The following PDE3A variants were observed in gnomAD, a reference collection of about 807,000 sequenced individuals.
PDE3A encodes phosphodiesterase 3A, also known as cGMP-inhibited 3',5'-cyclic phosphodiesterase 3A.
PDE3A carries 43 observed loss-of-function variants against 98.3 expected under a neutral mutation model. That is an observed-to-expected ratio of 0.44 (90% CI 0.34 to 0.56). The LOEUF (loss-of-function observed/expected upper bound fraction) is 0.56. PDE3A is among the 20% of genes least tolerant of loss of function. The pLI is 0.01. For missense variants in PDE3A, 1,427 were observed against 1,440.7 expected (o/e 0.99, Z 0.15); for synonymous variants, 663 against 567.9 (o/e 1.17, Z -2.38).
chr12:20,426,847 T>G (rs1315251994), intron 1 of PDE3A, among the ~76,000 whole-genome samples: 2 of 152,162 alleles, frequency 1.3e-5, no homozygotes, highest in Non-Finnish European at 2.9e-5. Context: ...AAAATAAGAT[T>G]TTTGCATTCA....
intron 1 of PDE3A, among the ~76,000 whole-genome samples, chr12:20,399,960 AT>A (rs1944090726): frequency 6.6e-6 from 1 of 152,232 alleles, no homozygotes; most frequent in Non-Finnish European, 1.5e-5. Flanking sequence ...CAGTGATTGA[AT>A]TAGAAGAAAG....
intron 1 of PDE3A, among the ~76,000 whole-genome samples, chr12:20,453,523 C>T (rs1489036795): frequency 1.3e-5 from 2 of 151,986 alleles, no homozygotes; most frequent in Non-Finnish European, 2.9e-5. Context: ...TACCAGTATA[C>T]AGGTGGCAAA....
chr12:20,661,050 G>A (rs964057627), intron 15 of PDE3A, among the ~76,000 whole-genome samples: 4 of 152,188 alleles, frequency 2.6e-5, no homozygotes, highest in Non-Finnish European at 5.9e-5. Flanking sequence ...AATGCTGATA[G>A]TGATATGAAC....
At chr12:20,471,827 C>A (rs1387744584) in intron 1 of PDE3A, among the ~76,000 whole-genome samples, 2 of 151,918 alleles carry the variant, frequency 1.3e-5, no homozygotes, top group African/African-American at 4.8e-5. Context: ...ATTTTTTTCC[C>A]AAAATATATT....
intron 2 of PDE3A, among the ~76,000 whole-genome samples, chr12:20,584,085 A>G (rs1282343932): frequency 1.3e-5 from 2 of 152,226 alleles, no homozygotes; most frequent in Non-Finnish European, 2.9e-5. Flanking sequence ...AGGAGAATCC[A>G]GAGAAAGACT....
At chr12:20,588,609 G>A (rs1216576357) in intron 2 of PDE3A, among the ~76,000 whole-genome samples, 1 of 127,130 alleles carries the variant, frequency 7.9e-6, no homozygotes, top group Non-Finnish European at 1.6e-5. Context: ...AAAATAACCA[G>A]TGCACAACAG....
At chr12:20,627,849 C>T (rs1944301420) in intron 5 of PDE3A, among the ~76,000 whole-genome samples, 1 of 152,272 alleles carries the variant, frequency 6.6e-6, no homozygotes, top group South Asian at 2.1e-4. Flanking sequence ...AGTACAGATA[C>T]CTCGGTAAAC....
At chr12:20,656,545 T>A (rs2121521113) in intron 15 of PDE3A, among the ~76,000 whole-genome samples, 1 of 152,314 alleles carries the variant, frequency 6.6e-6, no homozygotes, top group African/African-American at 2.4e-5. Context: ...CATTAGAAAA[T>A]TTGTACTAAT....
At chr12:20,478,249 C>A (rs1945563208) in intron 1 of PDE3A, among the ~76,000 whole-genome samples, 1 of 151,868 alleles carries the variant, frequency 6.6e-6, no homozygotes, top group South Asian at 2.1e-4. Flanking sequence ...GGCAACATAC[C>A]AGATTGGAAG....
intron 1 of PDE3A, among the ~76,000 whole-genome samples, chr12:20,497,598 A>G (rs1326132652): frequency 6.6e-6 from 1 of 151,974 alleles, no homozygotes; most frequent in Non-Finnish European, 1.5e-5. Flanking sequence ...TTAGAAAGAT[A>G]TGTTAGTACA....
intron 2 of PDE3A, among the ~76,000 whole-genome samples, chr12:20,607,982 G>A (rs1943754229): frequency 6.6e-6 from 1 of 151,764 alleles, no homozygotes; most frequent in Admixed American, 6.6e-5. Flanking sequence ...AAAGTTAATA[G>A]GCATGGAAAA....
rs1945939193 is a variant in PDE3A at position 20,685,589 on chromosome 12, A to G, written c.*5318A>G. Among the ~76,000 whole-genome samples, 1 of 152,092 alleles carries G rather than the reference A, an allele frequency of 6.6e-6. No individual in the cohort carries two copies. The highest frequency in any genetic ancestry group is 6.6e-5 in the Admixed American group (1 of 15,252). On this transcript the variant is annotated 3_prime_UTR_variant, in exon 16 of 16. Transcript: ENST00000359062. The stretch of plus-strand genomic sequence containing the variant: ...AGTGTATAGAATTATATATAAATGG[A>G]AAACAAAATTAGCTTTTGACATATG...
At chr12:20,427,354 A>G (rs780577727) in intron 1 of PDE3A, among the ~76,000 whole-genome samples, 6 of 152,184 alleles carry the variant, frequency 3.9e-5, no homozygotes, top group Admixed American at 1.3e-4. Context: ...ATTTTTAAGG[A>G]TTGAGTAAAA....
At chr12:20,677,032 A>G (rs963138382) in intron 15 of PDE3A, among the ~76,000 whole-genome samples, 3 of 152,028 alleles carry the variant, frequency 2.0e-5, no homozygotes, top group Admixed American at 6.5e-5. Flanking sequence ...CATTATTATT[A>G]TTTTTTATGT....
chr12:20,592,926 A>C (rs1943373978), intron 2 of PDE3A, among the ~76,000 whole-genome samples: 1 of 147,732 alleles, frequency 6.8e-6, no homozygotes, highest in African/African-American at 2.4e-5. Context: ...ATTAGAGCTC[A>C]TTCTTTTAAT....
chr12:20,563,064 A>G (rs1942567764), intron 2 of PDE3A, among the ~76,000 whole-genome samples: 2 of 152,188 alleles, frequency 1.3e-5, no homozygotes, highest in African/African-American at 4.8e-5. Flanking sequence ...AAAAGCAACT[A>G]CCTAGATCAG....
At chr12:20,490,559 G>A (rs965364565) in intron 1 of PDE3A, among the ~76,000 whole-genome samples, 9 of 152,142 alleles carry the variant, frequency 5.9e-5, no homozygotes, top group Non-Finnish European at 1.0e-4. Flanking sequence ...TGAGGCTGAG[G>A]TGCAACTTAG....
chr12:20,597,727 C>A (rs996635772), intron 2 of PDE3A, among the ~76,000 whole-genome samples: 2 of 152,160 alleles, frequency 1.3e-5, no homozygotes, highest in Admixed American at 1.3e-4. Context: ...ATCCTCTAAC[C>A]CCTTTCAGTT....
chr12:20,371,783 A>C (rs1271442518), intron 1 of PDE3A, among the ~76,000 whole-genome samples: 1 of 152,160 alleles, frequency 6.6e-6, no homozygotes, highest in African/African-American at 2.4e-5. Context: ...AAATTGTTAA[A>C]ATGGAGTAAG....
Sources: gnomAD v4.1 joint callset for allele counts (sites outside exome capture counted in the v4.1 genomes callset) on GRCh38, gnomAD v4.1.1 for gene constraint, MANE v1.5 for transcripts, NCBI Gene and HGNC (gene_info 2026-07-23, HGNC 2026-07-21) for gene names.